PRKN: variants seen among roughly 807,000 people sequenced by gnomAD.
The protein encoded by PRKN is parkin RBR E3 ubiquitin protein ligase.
PRKN carries 56 observed loss-of-function variants against 59.5 expected under a neutral mutation model. The ratio of observed to expected loss-of-function variants is 0.94; its 90% CI spans 0.76 to 1.18. The LOEUF (loss-of-function observed/expected upper bound fraction) is 1.18. Among genes scored for constraint, PRKN ranks in the 50% most tolerant of loss-of-function variants. The pLI is 0.00. For missense variants in PRKN, 657 were observed against 596.4 expected, an observed-to-expected ratio of 1.10 and a Z score of -1.06; for synonymous variants, 250 against 222.1, an observed-to-expected ratio of 1.13 and a Z score of -1.12.
At chr6:161,443,837 C>G (rs1470876253) in intron 9 of PRKN, among the ~76,000 whole-genome samples, 1 of 152,120 alleles carries the variant, frequency 6.6e-6, no homozygotes, top group African/African-American at 2.4e-5. Flanking sequence ...AAGAGTGGAG[C>G]ACGCTGAGCA....
chr6:162,284,930 G>A (rs137893844), intron 2 of PRKN, among the ~76,000 whole-genome samples: 247 of 152,142 alleles, frequency 1.6e-3, no homozygotes, highest in African/African-American at 5.6e-3. Flanking sequence ...CCTTTACAGA[G>A]GTAACCAAGT....
intron 6 of PRKN, among the ~76,000 whole-genome samples, chr6:161,953,453 A>G (rs1780060042): frequency 6.6e-6 from 1 of 152,120 alleles, no homozygotes; most frequent in African/African-American, 2.4e-5. Flanking sequence ...CCAATAGGAA[A>G]TTTAGGGTGG....
chr6:161,975,432 TAATC>T lies in PRKN; in HGVS notation c.619-2019_619-2016del, dbSNP rs1382747773. Among the ~76,000 whole-genome samples, 45 of 152,220 alleles carry T rather than the reference TAATC, an allele frequency of 3.0e-4. 1 individual carries two copies. Among genetic ancestry groups the T allele is most frequent in the Admixed American group, 2.4e-3 (37 of 15,284 alleles). ...AAACAATAGATTAATCAACGCTATTTAATCAATGTTATTTATCATTTATTTAATA... is the reference window on the plus strand; with the variant it reads ...AAACAATAGATTAATCAACGCTATTTAATGTTATTTATCATTTATTTAATA... On this transcript the variant is annotated intron_variant, in intron 5 of 11. Coordinates refer to ENST00000366898, the MANE Select transcript of PRKN (RefSeq NM_004562.3).
intron 6 of PRKN, among the ~76,000 whole-genome samples, chr6:161,904,460 C>T (rs377660084): frequency 3.3e-5 from 5 of 151,730 alleles, no homozygotes; most frequent in African/African-American, 9.7e-5. Context: ...GGACCACAGG[C>T]GCCTGCCACC....
chr6:161,461,779 G>T lies in PRKN; in HGVS notation c.1084-74902C>A, dbSNP rs937802035. The stretch of plus-strand genomic sequence containing the variant: ...GAAATGCTTATGAAAATTCCAAATG[G>T]AGGTATCCAGTAGGCAATGTGAAGT... On this transcript the variant is annotated intron_variant, in intron 9 of 11. Transcript: ENST00000366898. This position sits in a 1 kb window ranked among gnomAD's most constrained non-coding sequence, Gnocchi z 5.1. Among the ~76,000 whole-genome samples the T allele has an allele frequency of 6.6e-6, 1 of 152,122 alleles. No homozygotes were observed. Among genetic ancestry groups the T allele is most frequent in the Non-Finnish European group, 1.5e-5 (1 of 68,018 alleles).
intron 5 of PRKN, among the ~76,000 whole-genome samples, chr6:161,993,573 G>C (rs1030520679): frequency 2.6e-5 from 4 of 152,130 alleles, no homozygotes; most frequent in Non-Finnish European, 5.9e-5. Flanking sequence ...AAGAGGAAGA[G>C]ATTCTTCCTA....
chr6:161,882,168 T>G (rs532544287), intron 6 of PRKN, among the ~76,000 whole-genome samples: 1 of 152,350 alleles, frequency 6.6e-6, no homozygotes, highest in African/African-American at 2.4e-5. Context: ...GAACTTCAGC[T>G]CAACAGCTCA....
intron 4 of PRKN, among the ~76,000 whole-genome samples, chr6:162,177,700 A>G (rs1783603612): frequency 6.6e-6 from 1 of 152,248 alleles, no homozygotes; most frequent in Admixed American, 6.5e-5. Flanking sequence ...AACTACACCA[A>G]GAATACAACA....
At chr6:162,440,523 A>T (rs115305192) in intron 2 of PRKN, among the ~76,000 whole-genome samples, 1 of 152,088 alleles carries the variant, frequency 6.6e-6, no homozygotes, top group African/African-American at 2.4e-5. Flanking sequence ...CCAACATATA[A>T]TTTTGTCCTG....
At chr6:162,440,956 A>G (rs763528150) in intron 2 of PRKN, among the ~76,000 whole-genome samples, 1 of 152,054 alleles carries the variant, frequency 6.6e-6, no homozygotes, top group Non-Finnish European at 1.5e-5. Flanking sequence ...ATCAATTTGC[A>G]ATTACATGTG....
chr6:162,499,681 A>G (rs941595431), intron 1 of PRKN, among the ~76,000 whole-genome samples: 2 of 152,214 alleles, frequency 1.3e-5, no homozygotes, highest in African/African-American at 4.8e-5. Flanking sequence ...GTGGTTGTCC[A>G]AAGCATTCCT....
At chr6:162,632,234 T>C in intron 1 of PRKN, among the ~76,000 whole-genome samples, 1 of 152,066 alleles carries the variant, frequency 6.6e-6, no homozygotes, top group Middle Eastern at 3.2e-3. Flanking sequence ...CTATTCACAA[T>C]AGCAAAGACA....
chr6:161,925,172 TACC>T (rs1778921312), intron 6 of PRKN, among the ~76,000 whole-genome samples: 1 of 148,506 alleles, frequency 6.7e-6, no homozygotes, highest in South Asian at 2.1e-4. Context: ...CAAATTTAAA[TACC>T]ACAAAATCCA....
At chr6:162,115,851 C>T (rs1780649263) in intron 4 of PRKN, among the ~76,000 whole-genome samples, 1 of 152,182 alleles carries the variant, frequency 6.6e-6, no homozygotes, top group Admixed American at 6.5e-5. Context: ...GTACTGCATA[C>T]ATCAATAGCA....
chr6:162,065,562 T>A (rs1778300246), intron 4 of PRKN, among the ~76,000 whole-genome samples: 1 of 152,014 alleles, frequency 6.6e-6, no homozygotes, highest in Non-Finnish European at 1.5e-5. Context: ...TTCTTTTTTT[T>A]TTTTGGTCAA....
chr6:161,404,911 G>T (rs1200081046), intron 9 of PRKN, among the ~76,000 whole-genome samples: 1 of 152,186 alleles, frequency 6.6e-6, no homozygotes, highest in African/African-American at 2.4e-5. Context: ...CGTAAATACT[G>T]CAATGGAATG....
chr6:162,012,173 T>C (rs1782753628), intron 5 of PRKN, among the ~76,000 whole-genome samples: 2 of 152,122 alleles, frequency 1.3e-5, no homozygotes, highest in South Asian at 4.1e-4. Context: ...AAAGCCCATA[T>C]TTGATTTCTT....
rs983642819 is a variant in PRKN, at chr6:161,544,530, A to T, written c.1083+4324T>A. Among the ~76,000 whole-genome samples, 5 of 152,268 alleles carry T rather than the reference A, an allele frequency of 3.3e-5. No homozygotes were observed. Among genetic ancestry groups the T allele is most frequent in the African/African-American group, 1.2e-4 (5 of 41,556 alleles). On this transcript the variant is annotated intron_variant, in intron 9 of 11. Coordinates refer to ENST00000366898, the MANE Select transcript of PRKN (RefSeq NM_004562.3). The surrounding 1 kb of genome is among the most constrained non-coding windows in gnomAD (Gnocchi z 5.5). ...TATTCATTCATTCATTCATTCATTC[A>T]TTCATTCATTCATACATTTGATGAA...
rs1381096120 is a variant in PRKN, at chr6:162,067,665, G to C, written c.535-13491C>G. 2.0e-5 allele frequency among the ~76,000 whole-genome samples: 3 copies of C among 152,278 alleles called. No homozygotes were observed. In the South Asian group the frequency reaches 6.2e-4, roughly 32 times the overall value. On this transcript the variant is annotated intron_variant, in intron 4 of 11. Transcript: ENST00000366898. ...ACATGATGACTTAGCTTTCTAAAAA[G>C]AGCAATGGTGTAACGAATATATGCC...
Sources: gnomAD v4.1 joint callset for allele counts (sites outside exome capture counted in the v4.1 genomes callset) on GRCh38, gnomAD v4.1.1 for gene constraint, Gnocchi (gnomAD v3.1) non-coding constraint, MANE v1.5 for transcripts, NCBI Gene and HGNC (gene_info 2026-07-23, HGNC 2026-07-21) for gene names.